PACRG: variants seen among roughly 807,000 people sequenced by gnomAD.
The protein encoded by PACRG is parkin coregulated.
In PACRG, 29 loss-of-function variants were observed where a neutral mutation model predicts 29.7. The ratio of observed to expected loss-of-function variants is 0.98; its 90% CI spans 0.73 to 1.33. The LOEUF (loss-of-function observed/expected upper bound fraction) is 1.33, where lower values mean the gene tolerates loss of function less well. Ranked by LOEUF, PACRG falls within the 40% of genes most tolerant of loss-of-function variation. The pLI is 0.00. For missense variants in PACRG, 279 were observed against 316.2 expected, an observed-to-expected ratio of 0.88 and a Z score of 0.89; for synonymous variants, 116 against 118.7, an observed-to-expected ratio of 0.98 and a Z score of 0.15.
intron 2 of PACRG, among the ~76,000 whole-genome samples, chr6:162,898,933 T>G (rs1181613350): frequency 6.6e-6 from 1 of 152,258 alleles, no homozygotes; most frequent in Non-Finnish European, 1.5e-5. Context: ...TATTTCATTA[T>G]TTAGTATCTA....
intron 4 of PACRG, among the ~76,000 whole-genome samples, chr6:163,238,175 T>G (rs1056454172): frequency 1.3e-5 from 2 of 152,218 alleles, no homozygotes; most frequent in African/African-American, 4.8e-5. Context: ...TACAATTGAA[T>G]TTATGGTCAA....
intron 1 of PACRG, among the ~76,000 whole-genome samples, chr6:162,792,178 A>C (rs1785007384): frequency 1.3e-5 from 2 of 152,070 alleles, no homozygotes; most frequent in Admixed American, 1.3e-4. Context: ...GTTGACAGAG[A>C]GCTTGATCTA....
At chr6:162,993,132 A>G (rs1245177054) in intron 2 of PACRG, among the ~76,000 whole-genome samples, 2 of 150,732 alleles carry the variant, frequency 1.3e-5, no homozygotes, top group South Asian at 2.1e-4. Flanking sequence ...CTGTTCTTTT[A>G]CATTTGCTGA....
intron 2 of PACRG, among the ~76,000 whole-genome samples, chr6:163,004,681 T>C (rs1453245083): frequency 7.0e-6 from 1 of 143,834 alleles, no homozygotes; most frequent in African/African-American, 2.8e-5. Context: ...CCTAACCATA[T>C]CAAATGTATA....
intron 2 of PACRG, among the ~76,000 whole-genome samples, chr6:162,969,046 C>CAAAAAAAAAAAAAAAAAAA (rs35665491): frequency 1.4e-5 from 1 of 72,838 alleles, no homozygotes; most frequent in African/African-American, 6.0e-5. Flanking sequence ...GACTCTATCA[C>CAAAAAAAAAAAAAAAAAAA]AAAAAAAAAA....
chr6:162,798,462 T>C (rs1295139748), intron 1 of PACRG, among the ~76,000 whole-genome samples: 1 of 152,198 alleles, frequency 6.6e-6, no homozygotes, highest in Non-Finnish European at 1.5e-5. Flanking sequence ...TCCTCCCACA[T>C]AGCTTGTGCC....
intron 1 of PACRG, among the ~76,000 whole-genome samples, chr6:162,773,494 ATTTTTTTTTT>A (rs71008110): frequency 1.2e-4 from 8 of 66,024 alleles, no homozygotes; most frequent in East Asian, 6.3e-4. Flanking sequence ...ACAGCTTGTC[ATTTTTTTTTT>A]TTTTTTTTTT....
Position 163,100,937 on chromosome 6 carries a change from G to C in PACRG, c.613+11529G>C, listed in dbSNP as rs1394379453. On this transcript the variant is annotated intron_variant, in intron 4 of 4. Transcript: ENST00000366888. ...AATTAATGTTCCAAGTAATAAAGAA[G>C]AAAGGTAAAGATGGCAACGTAATTA... 5 of 985,006 alleles carry C rather than the reference G, an allele frequency of 5.1e-6. No homozygotes were observed. In the African/African-American group the frequency reaches 7.0e-5, roughly 14 times the overall value. 61.0% of individuals were successfully genotyped at this position (985,006 alleles called of 1,614,324 possible).
intron 4 of PACRG, among the ~76,000 whole-genome samples, chr6:163,186,379 A>C (rs1779933815): frequency 6.6e-6 from 1 of 152,164 alleles, no homozygotes; most frequent in African/African-American, 2.4e-5. Context: ...TTCAACACAC[A>C]GGCAGACACA....
At position 162,943,857 on chromosome 6, in the gene PACRG, C is replaced by T. The variant is rs555400059; in HGVS notation, c.292-118293C>T. ...ACTGGCCCACCCAGCTCATTGCAGC[C>T]GCCACAGACCCCAGCATGGACCACT... On this transcript the variant is annotated intron_variant, in intron 2 of 4. Transcript: ENST00000366888. 1.6e-4 allele frequency among the ~76,000 whole-genome samples: 25 copies of T among 152,212 alleles called. 1 individual carries two copies. In the South Asian group the frequency reaches 3.1e-3, roughly 19 times the overall value.
intron 4 of PACRG, among the ~76,000 whole-genome samples, chr6:163,199,536 A>T (rs995031315): frequency 6.6e-6 from 1 of 152,230 alleles, no homozygotes; most frequent in Non-Finnish European, 1.5e-5. Context: ...GGCCTTGATC[A>T]CACAGGCAGG....
intron 1 of PACRG, among the ~76,000 whole-genome samples, chr6:162,787,509 T>C (rs1411117964): frequency 6.8e-6 from 1 of 146,144 alleles, no homozygotes; most frequent in Non-Finnish European, 1.5e-5. Context: ...TATATGGCTA[T>C]TGTGTGTGTA....
chr6:163,097,017 C>A (rs1814657437), intron 4 of PACRG, among the ~76,000 whole-genome samples: 1 of 152,174 alleles, frequency 6.6e-6, no homozygotes, highest in African/African-American at 2.4e-5. Context: ...GCTCTCCCTT[C>A]CCCCGAAGAC....
intron 2 of PACRG, among the ~76,000 whole-genome samples, chr6:163,027,621 A>G (rs1041655415): frequency 6.6e-6 from 1 of 152,180 alleles, no homozygotes; most frequent in Non-Finnish European, 1.5e-5. Flanking sequence ...GCTACAGGAT[A>G]TAATAACCCA....
intron 2 of PACRG, among the ~76,000 whole-genome samples, chr6:162,887,221 G>A (rs550017131): frequency 3.9e-5 from 6 of 152,176 alleles, no homozygotes; most frequent in Non-Finnish European, 8.8e-5. Context: ...CCAAAGTGCT[G>A]CAATTATAGG....
intron 2 of PACRG, among the ~76,000 whole-genome samples, chr6:162,978,809 A>T (rs2128169187): frequency 6.6e-6 from 1 of 152,290 alleles, no homozygotes; most frequent in Non-Finnish European, 1.5e-5. Context: ...AAAAATTTAA[A>T]CCCACCAAAT....
chr6:163,094,835 A>G (rs1585200320), intron 4 of PACRG, among the ~76,000 whole-genome samples: 1 of 152,094 alleles, frequency 6.6e-6, no homozygotes, highest in East Asian at 1.9e-4. Flanking sequence ...CATCTGGTTC[A>G]CCTCTCTCAT....
At chr6:163,021,117 C>T (rs563373270) in intron 2 of PACRG, among the ~76,000 whole-genome samples, 1 of 152,280 alleles carries the variant, frequency 6.6e-6, no homozygotes, top group Non-Finnish European at 1.5e-5. Context: ...CACTTTAGCC[C>T]AGATTCTCTC....
chr6:162,756,394 A>C (rs1781922968), intron 1 of PACRG, among the ~76,000 whole-genome samples: 1 of 152,126 alleles, frequency 6.6e-6, no homozygotes, highest in Admixed American at 6.6e-5. Context: ...ATTATGTAAT[A>C]ATCTTCTCGT....
Sources: allele counts gnomAD v4.1 joint callset (sites outside exome capture counted in the v4.1 genomes callset), GRCh38; gene constraint gnomAD v4.1.1; transcripts MANE v1.5; gene names NCBI Gene and HGNC (gene_info 2026-07-23, HGNC 2026-07-21).